PCDHA1: variants seen among roughly 807,000 people sequenced by gnomAD.
PCDHA1 encodes the protein protocadherin alpha-1.
In PCDHA1, 42 loss-of-function variants were observed where a neutral mutation model predicts 61.3. The observed-to-expected ratio is 0.69, with a 90% confidence interval of 0.54 to 0.89. The LOEUF is 0.89. Among genes scored for constraint, PCDHA1 ranks in the 40% least tolerant of loss-of-function variants. PCDHA1 has a pLI of 0.00. For synonymous variants in PCDHA1, 610 were observed against 553.8 expected (o/e 1.10, Z -1.43); for missense variants, 1,256 against 1,235.3 (o/e 1.02, Z -0.25).
At chr5:140,909,215 AC>A (rs1554193695) in intron 1 of PCDHA1, among the ~76,000 whole-genome samples, 1 of 152,160 alleles carries the variant, frequency 6.6e-6, no homozygotes, top group African/African-American at 2.4e-5. Flanking sequence ...GAGTTGATAT[AC>A]CCCTGAGGTA....
intron 1 of PCDHA1, among the ~76,000 whole-genome samples, chr5:140,976,475 C>T (rs1160749030): frequency 1.3e-5 from 2 of 151,996 alleles, no homozygotes; most frequent in Non-Finnish European, 1.5e-5. Flanking sequence ...TGCTTGAATC[C>T]GGGAGGCAGA....
At chr5:140,967,206 G>A in intron 1 of PCDHA1, 2 of 1,613,644 alleles carry the variant, frequency 1.2e-6, no homozygotes, top group South Asian at 2.2e-5. Flanking sequence ...AACTCACCGC[G>A]TTTCCCGCGG....
At chr5:140,797,428 T>G (rs782419018) in intron 1 of PCDHA1, 2 of 1,445,482 alleles carry the variant, frequency 1.4e-6, no homozygotes, top group South Asian at 2.5e-5. Flanking sequence ...TACTAGTTAT[T>G]TAGATTCATA....
chr5:140,902,996 A>G (rs2069931370), intron 1 of PCDHA1, among the ~76,000 whole-genome samples: 1 of 152,126 alleles, frequency 6.6e-6, no homozygotes, highest in Admixed American at 6.6e-5. Context: ...TATTTTTGCA[A>G]TTGTGAATTG....
At chr5:140,968,044 A>C (rs959631573) in intron 1 of PCDHA1, 2 of 1,614,142 alleles carry the variant, frequency 1.2e-6, no homozygotes, top group Non-Finnish European at 1.7e-6. Context: ...TGAGCGGCCC[A>C]CTGGACCGAG....
At chr5:140,966,264 G>C (rs959228779) in intron 1 of PCDHA1, 3 of 347,414 alleles carry the variant, frequency 8.6e-6, no homozygotes, top group Non-Finnish European at 1.5e-5. Flanking sequence ...GTGGAGACTG[G>C]ATGAACTGGA....
chr5:140,968,949 T>C, intron 1 of PCDHA1: 1 of 1,614,180 alleles, frequency 6.2e-7, no homozygotes, highest in Non-Finnish European at 8.5e-7. Flanking sequence ...ATTTTGAGCA[T>C]CATCAAGTGC....
intron 3 of PCDHA1, 63 bp downstream of exon 3, chr5:140,982,626 T>C (rs782343298): frequency 2.5e-5 from 39 of 1,581,800 alleles, no homozygotes; most frequent in Non-Finnish European, 2.8e-5. Context: ...TGACCTACTT[T>C]TGTAAGATCA....
At chr5:140,843,862 A>C in intron 1 of PCDHA1, 1 of 894,130 alleles carries the variant, frequency 1.1e-6, no homozygotes. Flanking sequence ...TAATTAATTG[A>C]ATTTTCTCAG....
intron 1 of PCDHA1, chr5:140,803,428 C>G (rs781912218): frequency 6.2e-7 from 1 of 1,614,170 alleles, no homozygotes; most frequent in East Asian, 2.2e-5. Context: ...TGCTCCAGCG[C>G]GGTGGGGAGC....
chr5:140,927,825 GGCGAGGGA>G (rs782044178), intron 1 of PCDHA1: 1 of 1,614,098 alleles, frequency 6.2e-7, no homozygotes, highest in Non-Finnish European at 8.5e-7. Context: ...CATACATTGA[GGCGAGGGA>G]CGAAGGTGTC....
At chr5:140,980,623 T>C (rs1554242045) in intron 2 of PCDHA1, among the ~76,000 whole-genome samples, 1 of 152,102 alleles carries the variant, frequency 6.6e-6, no homozygotes, top group African/African-American at 2.4e-5. Flanking sequence ...TGCGAGACTC[T>C]GTCTCAGAAG....
rs371009349 is a variant in PCDHA1 at position 140,787,740 on chromosome 5, G to A, written c.1450G>A (p.Ala484Thr). Reference sequence around the variant, plus strand: ...CACGGTGTCTGCGCGGGACGCGGACGCGCAGGAGAACGCGCTGGTGTCCTA... The same window carrying A: ...CACGGTGTCTGCGCGGGACGCGGACACGCAGGAGAACGCGCTGGTGTCCTA... The part of the protein sequence containing the change: ...IFTVSARDAD[A>T]QENALVSYSL... Residue 484 changes from alanine (A) to threonine (T), a missense_variant, in exon 1 of 4, where the codon GCG (alanine) becomes ACG (threonine). By Grantham distance (58) the Ala-to-Thr change is moderately conservative. Transcript: ENST00000504120. The A allele has an allele frequency of 6.2e-7, 1 of 1,613,528 alleles. No individual in the cohort carries two copies. Among genetic ancestry groups the A allele is most frequent in the Non-Finnish European group, 8.5e-7 (1 of 1,179,860 alleles).
At chr5:140,955,648 A>G (rs1554222007) in intron 1 of PCDHA1, among the ~76,000 whole-genome samples, 1 of 152,138 alleles carries the variant, frequency 6.6e-6, no homozygotes, top group East Asian at 1.9e-4. Flanking sequence ...ACAAATTAAT[A>G]CACATATGAA....
At chr5:140,858,685 T>C in intron 1 of PCDHA1, 1 of 595,990 alleles carries the variant, frequency 1.7e-6, no homozygotes, top group Non-Finnish European at 2.8e-6. Flanking sequence ...AATACACTAA[T>C]ATTTTCCAAT....
chr5:140,861,433 C>T (rs1177274871), intron 1 of PCDHA1: 1 of 489,666 alleles, frequency 2.0e-6, no homozygotes, highest in Non-Finnish European at 4.2e-6. Context: ...CAGTTGGATT[C>T]CAAAAGCCGC....
intron 1 of PCDHA1, chr5:140,836,425 G>A (rs2150260582): frequency 1.2e-6 from 2 of 1,613,790 alleles, no homozygotes; most frequent in Admixed American, 1.7e-5. Flanking sequence ...GCGTCGTCGC[G>A]GGCATCGTTG....
intron 1 of PCDHA1, chr5:140,870,974 G>A: frequency 1.2e-6 from 2 of 1,613,628 alleles, no homozygotes; most frequent in Middle Eastern, 1.7e-4. Flanking sequence ...TTCCGCGTGG[G>A]GCTGTACACG....
intron 3 of PCDHA1, among the ~76,000 whole-genome samples, chr5:141,000,401 A>ATT (rs2097917579): frequency 1.3e-5 from 1 of 76,232 alleles, no homozygotes; most frequent in Non-Finnish European, 2.5e-5. Flanking sequence ...CTCTCTATAT[A>ATT]TATATATATA....
Sources: allele counts gnomAD v4.1 joint callset (sites outside exome capture counted in the v4.1 genomes callset), GRCh38; gene constraint gnomAD v4.1.1; transcripts MANE v1.5; gene names NCBI Gene and HGNC (gene_info 2026-07-23, HGNC 2026-07-21).